The following VPS13D variants were observed in gnomAD, a reference collection of about 807,000 sequenced individuals.
VPS13D encodes intermembrane lipid transfer protein VPS13D.
VPS13D carries 187 observed loss-of-function variants against 461.9 expected under a neutral mutation model. The observed-to-expected ratio is 0.40, with a 90% CI of 0.36 to 0.46. The LOEUF (loss-of-function observed/expected upper bound fraction) is 0.46. VPS13D is among the 20% of genes least tolerant of loss of function. The pLI is 0.60. For missense variants in VPS13D, 4,711 were observed against 5,364.9 expected (o/e 0.88, Z 3.81); for synonymous variants, 1,951 against 1,986.3 (o/e 0.98, Z 0.47).
intron 63 of VPS13D, among the ~76,000 whole-genome samples, chr1:12,411,829 C>T (rs1178244296): frequency 6.6e-6 from 1 of 152,172 alleles, no homozygotes; most frequent in Non-Finnish European, 1.5e-5. Flanking sequence ...GTCAGCAGAA[C>T]CCCTTTCCAC....
intron 18 of VPS13D, among the ~76,000 whole-genome samples, chr1:12,273,751 A>G (rs576929015): frequency 1.8e-4 from 28 of 152,310 alleles, no homozygotes; most frequent in African/African-American, 6.5e-4. Flanking sequence ...GTATAGCCGA[A>G]TAATAGTCCA....
chr1:12,317,019 A>G (rs1047770269), intron 30 of VPS13D, among the ~76,000 whole-genome samples: 2 of 110,516 alleles, frequency 1.8e-5, no homozygotes, highest in African/African-American at 7.4e-5. Context: ...CCCCAACTCT[A>G]CCTCTAGGTT....
At chr1:12,335,454 G>T (rs564265960) in intron 38 of VPS13D, among the ~76,000 whole-genome samples, 24 of 152,270 alleles carry the variant, frequency 1.6e-4, no homozygotes, top group Admixed American at 3.9e-4. Context: ...CTATAGATTG[G>T]TTTGAAGAGA....
intron 46 of VPS13D, among the ~76,000 whole-genome samples, chr1:12,350,610 A>T (rs1643771731): frequency 6.6e-6 from 1 of 152,204 alleles, no homozygotes; most frequent in Admixed American, 6.5e-5. Flanking sequence ...TAATTTAAAA[A>T]AAGAAAAGAA....
At chr1:12,329,176 C>G (rs1643267153) in intron 36 of VPS13D, among the ~76,000 whole-genome samples, 5 of 151,982 alleles carry the variant, frequency 3.3e-5, no homozygotes, top group Admixed American at 2.6e-4. Context: ...TCAGTCTGCC[C>G]TCTTATCATT....
intron 60 of VPS13D, among the ~76,000 whole-genome samples, chr1:12,390,408 A>G (rs1286037448): frequency 6.6e-6 from 1 of 152,204 alleles, no homozygotes; most frequent in Non-Finnish European, 1.5e-5. Context: ...GATGAGGAAC[A>G]TGGTAAGACC....
chr1:12,319,367 A>G, intron 31 of VPS13D, 130 bp from the exon 32 acceptor site: 1 of 1,306,598 alleles, frequency 7.7e-7, no homozygotes, highest in South Asian at 1.4e-5. Flanking sequence ...ATGTCAGCAG[A>G]CATTTTGGAG....
intron 46 of VPS13D, among the ~76,000 whole-genome samples, chr1:12,350,173 A>T (rs917346350): frequency 2.2e-4 from 34 of 152,208 alleles, no homozygotes; most frequent in Non-Finnish European, 4.9e-4. Flanking sequence ...AAAAGATTTG[A>T]ACAATGTTAT....
intron 63 of VPS13D, among the ~76,000 whole-genome samples, chr1:12,411,212 CTA>C (rs1644723042): frequency 6.6e-6 from 1 of 152,114 alleles, no homozygotes; most frequent in Non-Finnish European, 1.5e-5. Flanking sequence ...ACTAGAAAAT[CTA>C]AAAGTATTTT....
At position 12,400,555 on chromosome 1, in the gene VPS13D, A is replaced by C. The variant is rs141191755; in HGVS notation, c.11784+225A>C. On this transcript the variant is annotated intron_variant, in intron 61 of 69. Coordinates refer to ENST00000620676, the MANE Select transcript of VPS13D (RefSeq NM_015378.4). Reference sequence around the variant, plus strand: ...GTGACAGTTTGATGGTACTGAGTCCATATAGGCCAGAGTCCATATTCATCA... The same window carrying C: ...GTGACAGTTTGATGGTACTGAGTCCCTATAGGCCAGAGTCCATATTCATCA... 2.0e-4 allele frequency among the ~76,000 whole-genome samples: 30 copies of C among 152,340 alleles called. No homozygotes were observed. The East Asian group carries it at 5.8e-3, about 29-fold the overall frequency.
In VPS13D at chr1:12,417,945, C is replaced by T. The variant is rs1038793654; in HGVS notation, c.12333+1118C>T. Reference sequence around the variant, plus strand: ...TTTTCGCGACAGAGTCTTGGTCTGTCGCCCAGACTGGAGTGCAATGGTGTG... The same window carrying T: ...TTTTCGCGACAGAGTCTTGGTCTGTTGCCCAGACTGGAGTGCAATGGTGTG... On this transcript the variant is annotated intron_variant, in intron 65 of 69. Transcript: ENST00000620676. Among the ~76,000 whole-genome samples, 13 of 152,108 alleles carry T rather than the reference C, an allele frequency of 8.5e-5. No individual in the cohort carries two copies. In the South Asian group the frequency reaches 1.0e-3, roughly 12 times the overall value.
At chr1:12,326,447 C>T (rs1344515645) in intron 35 of VPS13D, among the ~76,000 whole-genome samples, 1 of 151,110 alleles carries the variant, frequency 6.6e-6, no homozygotes, top group Admixed American at 6.6e-5. Context: ...AAATGATCCT[C>T]CCACCTAAGC....
intron 64 of VPS13D, among the ~76,000 whole-genome samples, chr1:12,415,876 G>A (rs1219489982): frequency 6.7e-6 from 1 of 148,378 alleles, no homozygotes; most frequent in Non-Finnish European, 1.5e-5. Context: ...CAGGCAATTG[G>A]AAGTACAGAA....
At chr1:12,430,093 A>G (rs1325337811) in intron 65 of VPS13D, among the ~76,000 whole-genome samples, 2 of 152,174 alleles carry the variant, frequency 1.3e-5, no homozygotes, top group South Asian at 2.1e-4. Context: ...TGCCATTGTA[A>G]TGTTCAAAGC....
chr1:12,470,390 G>A (rs1248575038), intron 67 of VPS13D, among the ~76,000 whole-genome samples: 1 of 152,210 alleles, frequency 6.6e-6, no homozygotes, highest in African/African-American at 2.4e-5. Context: ...TGAGGTGTTA[G>A]AGGCCAAATT....
At chr1:12,297,765 G>C (rs1039560212) in intron 24 of VPS13D, among the ~76,000 whole-genome samples, 3 of 152,166 alleles carry the variant, frequency 2.0e-5, no homozygotes, top group African/African-American at 7.2e-5. Flanking sequence ...AAACAAGAAA[G>C]ACAAGGTCAT....
chr1:12,323,173 T>C (rs762829351), intron 34 of VPS13D, among the ~76,000 whole-genome samples: 10 of 152,294 alleles, frequency 6.6e-5, no homozygotes, highest in Middle Eastern at 3.4e-3. Flanking sequence ...GGGCCCAAGC[T>C]ATCTTCACTC....
chr1:12,501,328 G>A (rs911391880), intron 68 of VPS13D, among the ~76,000 whole-genome samples: 3 of 152,106 alleles, frequency 2.0e-5, no homozygotes, highest in Non-Finnish European at 2.9e-5. Flanking sequence ...TCTGAGGAAT[G>A]GAATAGAATT....
At chr1:12,469,306 T>C (rs191683307) in intron 67 of VPS13D, among the ~76,000 whole-genome samples, 1 of 152,310 alleles carries the variant, frequency 6.6e-6, no homozygotes, top group East Asian at 1.9e-4. Flanking sequence ...GATATAACAA[T>C]TTTTATAATA....
Sources: allele counts gnomAD v4.1 joint callset (sites outside exome capture counted in the v4.1 genomes callset), GRCh38; gene constraint gnomAD v4.1.1; transcripts MANE v1.5; gene names NCBI Gene and HGNC (gene_info 2026-07-23, HGNC 2026-07-21).